Variants in HIBADH observed in about 807,000 individuals in gnomAD.
The protein encoded by HIBADH is 3-hydroxyisobutyrate dehydrogenase, also known as 3-hydroxyisobutyrate dehydrogenase, mitochondrial.
Under a neutral mutation model 36.1 loss-of-function variants are expected in HIBADH, and 25 were observed. The observed-to-expected ratio is 0.69, with a 90% CI of 0.50 to 0.97. The LOEUF (loss-of-function observed/expected upper bound fraction) is 0.97. HIBADH is among the 50% of genes least tolerant of loss of function. The pLI, the probability that HIBADH is intolerant of heterozygous loss-of-function variation, is 0.00. For missense variants in HIBADH, 421 were observed against 418.0 expected, an observed-to-expected ratio of 1.01 and a Z score of -0.06; for synonymous variants, 160 against 149.5, an observed-to-expected ratio of 1.07 and a Z score of -0.51.
intron 7 of HIBADH, among the ~76,000 whole-genome samples, 187 bp from the exon 8 acceptor site, chr7:27,526,559 A>C (rs894631641): frequency 6.6e-6 from 1 of 152,250 alleles, no homozygotes; most frequent in African/African-American, 2.4e-5. Flanking sequence ...TGCTCCAGAC[A>C]GAAACCTTGA....
chr7:27,636,980 G>T (rs1427180648), intron 2 of HIBADH, among the ~76,000 whole-genome samples: 1 of 152,194 alleles, frequency 6.6e-6, no homozygotes, highest in Non-Finnish European at 1.5e-5. Context: ...AATCAAGAAT[G>T]AAAATACATC....
At chr7:27,529,920 A>C (rs1195296759) in intron 7 of HIBADH, among the ~76,000 whole-genome samples, 1 of 152,212 alleles carries the variant, frequency 6.6e-6, no homozygotes, top group Non-Finnish European at 1.5e-5. Context: ...ACCATTCATC[A>C]ACCTCAAGGC....
chr7:27,646,689 A>AT (rs34491908), intron 2 of HIBADH, among the ~76,000 whole-genome samples: 44,417 of 74,926 alleles, frequency 0.59, 15,182 homozygotes, highest in East Asian at 0.82. Context: ...CACGCCCAGC[A>AT]TTTTTTTTTT....
At chr7:27,654,697 G>GT (rs11386502) in intron 1 of HIBADH, among the ~76,000 whole-genome samples, 111,278 of 147,328 alleles carry the variant, frequency 0.76, 42,310 homozygotes, top group East Asian at 0.95. Flanking sequence ...ATTTTTTTGT[G>GT]TTTTTTTTTT....
chr7:27,581,261 TG>T (rs1305409349), intron 4 of HIBADH, among the ~76,000 whole-genome samples: 2 of 152,002 alleles, frequency 1.3e-5, no homozygotes, highest in East Asian at 3.9e-4. Context: ...GCAGAGCAAA[TG>T]AACAGTTGGA....
At chr7:27,554,446 C>T (rs1784363247) in intron 4 of HIBADH, among the ~76,000 whole-genome samples, 1 of 152,188 alleles carries the variant, frequency 6.6e-6, no homozygotes, top group South Asian at 2.1e-4. Context: ...TCCTTTCATT[C>T]AGCATTAACA....
At chr7:27,645,368 A>ATGGTTTTTT (rs1554300959) in intron 2 of HIBADH, among the ~76,000 whole-genome samples, 7 of 59,648 alleles carry the variant, frequency 1.2e-4, no homozygotes, top group African/African-American at 4.4e-4. Flanking sequence ...CATGGTTTTG[A>ATGGTTTTTT]TTTTTTTTTT....
At chr7:27,592,061 T>C (rs952696365) in intron 4 of HIBADH, among the ~76,000 whole-genome samples, 5 of 152,228 alleles carry the variant, frequency 3.3e-5, no homozygotes, top group African/African-American at 1.2e-4. Context: ...GTAAATGCTA[T>C]ATTCCCTTTG....
At chr7:27,591,412 G>A (rs1215195148) in intron 4 of HIBADH, among the ~76,000 whole-genome samples, 2 of 152,236 alleles carry the variant, frequency 1.3e-5, no homozygotes, top group South Asian at 2.1e-4. Flanking sequence ...TTAGCCGGGC[G>A]TTGTGGCAGG....
At chr7:27,564,989 C>A (rs1050478160) in intron 4 of HIBADH, among the ~76,000 whole-genome samples, 1 of 152,162 alleles carries the variant, frequency 6.6e-6, no homozygotes, top group Non-Finnish European at 1.5e-5. Context: ...GAGACTACCC[C>A]TCCCAGGGCT....
chr7:27,651,948 G>A (rs1320626398), intron 1 of HIBADH, among the ~76,000 whole-genome samples: 1 of 152,148 alleles, frequency 6.6e-6, no homozygotes, highest in East Asian at 1.9e-4. Flanking sequence ...AAATGGATAG[G>A]AGGGTAAGGA....
intron 4 of HIBADH, among the ~76,000 whole-genome samples, chr7:27,605,397 C>T (rs1785201243): frequency 6.7e-6 from 1 of 150,052 alleles, no homozygotes; most frequent in African/African-American, 2.5e-5. Context: ...GACCAACTTG[C>T]ACCTTTCAGA....
rs762685685 is a variant in HIBADH, at chr7:27,645,368, ATTT to A, written c.252+4102_252+4104del. Among the ~76,000 whole-genome samples, 14 of 59,648 alleles carry A rather than the reference ATTT, an allele frequency of 2.3e-4. 2 individuals are homozygous for A. Among genetic ancestry groups the A allele is most frequent in the Non-Finnish European group, 3.1e-4 (10 of 31,790 alleles). 39.1% of individuals were successfully genotyped at this position (59,648 alleles called of 152,430 possible). A position where few individuals can be genotyped will look rare whatever the true frequency, so the allele number is the denominator to read the frequency against. ...CTAGTGGGTGTGTCTCATGGTTTTGATTTTTTTTTTTTTTTTTTTTTTTTTTTG... is the reference window on the plus strand; with the variant it reads ...CTAGTGGGTGTGTCTCATGGTTTTGATTTTTTTTTTTTTTTTTTTTTTTTG... On this transcript the variant is annotated intron_variant, in intron 2 of 7. Transcript: ENST00000265395.
At chr7:27,588,666 T>C (rs1156407329) in intron 4 of HIBADH, among the ~76,000 whole-genome samples, 1 of 152,214 alleles carries the variant, frequency 6.6e-6, no homozygotes, top group Non-Finnish European at 1.5e-5. Flanking sequence ...CATGAAACCA[T>C]CTTATTCTCT....
chr7:27,593,103 C>A (rs1477537517), intron 4 of HIBADH, among the ~76,000 whole-genome samples: 1 of 151,994 alleles, frequency 6.6e-6, no homozygotes, highest in East Asian at 1.9e-4. Flanking sequence ...TAGCACAGGG[C>A]AAAATATGGT....
chr7:27,657,954 T>C (rs1786337060), intron 1 of HIBADH, among the ~76,000 whole-genome samples: 1 of 152,166 alleles, frequency 6.6e-6, no homozygotes, highest in African/African-American at 2.4e-5. Context: ...TAAGTATTAG[T>C]TACTCTTACC....
At chr7:27,585,295 GTGTA>G (rs764131607) in intron 4 of HIBADH, among the ~76,000 whole-genome samples, 6 of 152,032 alleles carry the variant, frequency 3.9e-5, no homozygotes, top group Non-Finnish European at 7.4e-5. Context: ...ACACACGTGT[GTGTA>G]TGTATAAAAG....
chr7:27,654,142 A>G (rs4719903), intron 1 of HIBADH, among the ~76,000 whole-genome samples: 1,765 of 152,324 alleles, frequency 0.012, 29 homozygotes, highest in African/African-American at 0.035. Context: ...GTAGATACCA[A>G]AGGAAAGATT....
chr7:27,554,999 CA>C (rs1332090228), intron 4 of HIBADH, among the ~76,000 whole-genome samples: 3 of 152,162 alleles, frequency 2.0e-5, no homozygotes, highest in African/African-American at 7.2e-5. Context: ...ATTAACATAA[CA>C]TTAAGGAAAG....
Sources: gnomAD v4.1 joint callset for allele counts (sites outside exome capture counted in the v4.1 genomes callset) on GRCh38, gnomAD v4.1.1 for gene constraint, MANE v1.5 for transcripts, NCBI Gene and HGNC (gene_info 2026-07-23, HGNC 2026-07-21) for gene names.